Variants in VEGFB observed in about 807,000 individuals in gnomAD.
The protein encoded by VEGFB is vascular endothelial growth factor B.
Under a neutral mutation model 22.5 loss-of-function variants are expected in VEGFB, and 24 were observed. That is an observed-to-expected ratio of 1.07 (90% confidence interval 0.77 to 1.50). VEGFB has a LOEUF of 1.50. Among genes scored for constraint, VEGFB ranks in the 40% most tolerant of loss-of-function variants. The pLI is 0.00. For missense variants in VEGFB, 327 were observed against 287.8 expected, an observed-to-expected ratio of 1.14 and a Z score of -0.99; for synonymous variants, 141 against 117.4, an observed-to-expected ratio of 1.20 and a Z score of -1.30.
At chr11:64,236,394 C>A in intron 4 of VEGFB, 67 bp downstream of exon 4, 2 of 1,507,668 alleles carry the variant, frequency 1.3e-6, no homozygotes, top group Non-Finnish European at 1.8e-6. Context: ...TATGGTGGTC[C>A]ACAGAACTGG....
rs747177567 is a variant in VEGFB, at chr11:64,237,190, TA to T, written c.386del (p.Lys129ArgfsTer5). 34 of 1,600,502 alleles carry T rather than the reference TA, an allele frequency of 2.1e-5. No homozygotes were observed. The highest frequency in any genetic ancestry group is 1.6e-4 in the East Asian group (7 of 44,616). On this transcript the variant is annotated frameshift_variant, in exon 5 of 7. Coordinates refer to ENST00000309422, the MANE Select transcript of VEGFB (RefSeq NM_003377.5). LOFTEE classifies it high-confidence loss of function. ...EEHSQCECRP[K>X]KKDSAVKPDR... ...GTCTGTCTATCTTACTTTTCAGACCTAAAAAAAAGGACAGTGCTGTGAAGCC... is the reference window on the plus strand; with the variant it reads ...GTCTGTCTATCTTACTTTTCAGACCTAAAAAAAGGACAGTGCTGTGAAGCC...
In VEGFB at chr11:64,236,988, C is replaced by G. The variant is rs61761271; in HGVS notation, c.375-199C>G. ...ATCCCAGCTACTTGGGAGGCTGAGA[C>G]AAGAGAATAGCTTGAACCTGGGAGG... On this transcript the variant is annotated intron_variant, in intron 4 of 6. Transcript: ENST00000309422. The G allele has an allele frequency of 4.6e-4, 190 of 416,426 alleles. 4 individuals are homozygous for G. Among genetic ancestry groups the G allele is most frequent in the African/African-American group, 3.4e-3 (175 of 51,540 alleles). 25.8% of individuals were successfully genotyped at this position (416,426 alleles called of 1,614,324 possible).
chr11:64,237,439 C>G lies in VEGFB; in HGVS notation c.430C>G (p.Arg144Gly), dbSNP rs745904236. The change falls in exon 6 of 7, where the codon CGT (arginine) becomes GGT (glycine). Residue 144 changes from arginine (R) to glycine (G), a missense_variant. Transcript: ENST00000309422. Reference protein sequence around the residue: ...KPDRAATPHHRPQPRSVPGWD... With the variant: ...KPDRAATPHHGPQPRSVPGWD... ...CCCTAGGGCTGCCACTCCCCACCAC[C>G]GTCCCCAGCCCCGTTCTGTTCCGGG... The G allele has an allele frequency of 6.3e-7, 1 of 1,596,558 alleles. No homozygotes were observed. The highest frequency in any genetic ancestry group is 1.3e-5 in the African/African-American group (1 of 74,690).
rs556071748 is a variant in VEGFB, at chr11:64,236,297, C to G, written c.344C>G (p.Ser115Cys). Reference sequence around the variant, plus strand: ...CCGAGCAGTCAGCTGGGGGAGATGTCCCTGGAAGAACACAGCCAGTGTGAA... The same window carrying G: ...CCGAGCAGTCAGCTGGGGGAGATGTGCCTGGAAGAACACAGCCAGTGTGAA... ...RYPSSQLGEM[S>C]LEEHSQCECR... Residue 115 changes from serine (S) to cysteine (C), a missense_variant, in exon 4 of 7, where the codon TCC becomes TGC. Physicochemically the swap from Ser to Cys is moderately radical, Grantham distance 112. Coordinates refer to ENST00000309422, the MANE Select transcript of VEGFB (RefSeq NM_003377.5). The G allele has an allele frequency of 1.9e-6, 3 of 1,613,920 alleles. No homozygotes were observed. Among genetic ancestry groups the G allele is most frequent in the South Asian group, 2.2e-5 (2 of 91,088 alleles).
At position 64,236,710 on chromosome 11, in the gene VEGFB, C is replaced by G. The variant is rs552088720; in HGVS notation, c.374+383C>G. On this transcript the variant is annotated intron_variant, in intron 4 of 6. Coordinates refer to ENST00000309422, the MANE Select transcript of VEGFB (RefSeq NM_003377.5). ...CCAGCCTGGGCGACAGAGCAAGACT[C>G]TGCCACAAAAAAAAAAAAAAAAAAA... 3.4e-4 allele frequency among the ~76,000 whole-genome samples: 32 copies of G among 94,530 alleles called. No individual in the cohort carries two copies. In the East Asian group the frequency reaches 8.9e-3, roughly 26 times the overall value. The allele number at this position is 94,530 out of a possible 152,430, so 62.0% of individuals were successfully genotyped here. A position where few individuals can be genotyped will look rare whatever the true frequency, so the allele number is the denominator to read the frequency against.
rs879054154 is a variant in VEGFB, at chr11:64,237,060, GC to G, written c.375-126del. The G allele has an allele frequency of 5.2e-6, 4 of 763,434 alleles. 1 individual carries two copies. In the South Asian group the frequency reaches 9.1e-5, roughly 17 times the overall value. 47.3% of individuals were successfully genotyped at this position (763,434 alleles called of 1,614,324 possible). A position where few individuals can be genotyped will look rare whatever the true frequency, so the allele number is the denominator to read the frequency against. On this transcript the variant is annotated intron_variant, in intron 4 of 6. Transcript: ENST00000309422. The stretch of plus-strand genomic sequence containing the variant: ...ACCACGCCACTGCACTCCAGCCTGG[GC>G]AAGAAGAGGGAAACACAGTCTCAAA...
intron 4 of VEGFB, 81 bp downstream of exon 4, chr11:64,236,408 C>T (rs961791622): frequency 1.4e-6 from 2 of 1,417,822 alleles, no homozygotes; most frequent in Non-Finnish European, 9.9e-7. Context: ...GAACTGGGGA[C>T]CAGGTTCCTA....
At chr11:64,237,909 C>CTCG (rs1412292067) in intron 6 of VEGFB, 3 of 503,538 alleles carry the variant, frequency 6.0e-6, no homozygotes, top group Non-Finnish European at 1.1e-5. Flanking sequence ...GGTACCTGGC[C>CTCG]TCGTCTTTCA....
chr11:64,238,275 TAGTGGGCCCG>T, intron 6 of VEGFB, 71 bp from the exon 7 acceptor site: 1 of 1,508,030 alleles, frequency 6.6e-7, no homozygotes, highest in Non-Finnish European at 8.9e-7. Context: ...GTTGTGATCT[TAGTGGGCCCG>T]AGGCACACAT....
intron 4 of VEGFB, 69 bp from the exon 5 acceptor site, chr11:64,237,118 A>C (rs879229201): frequency 2.8e-6 from 2 of 718,414 alleles, no homozygotes; most frequent in Non-Finnish European, 4.7e-6. Flanking sequence ...AGAGAGAGAG[A>C]GAGAGTAGGA....
intron 4 of VEGFB, among the ~76,000 whole-genome samples, chr11:64,236,883 AGCCTG>A (rs1201937634): frequency 2.0e-5 from 3 of 149,120 alleles, no homozygotes; most frequent in African/African-American, 7.3e-5. Context: ...GTTTGAGACC[AGCCTG>A]GCCAACATGG....
At position 64,234,963 on chromosome 11, in the gene VEGFB, G is replaced by A. The variant is rs1947231071; in HGVS notation, c.60+70G>A. The A allele has an allele frequency of 1.6e-6, 2 of 1,216,182 alleles. No individual in the cohort carries two copies. The highest frequency in any genetic ancestry group is 3.2e-5 in the East Asian group (1 of 30,924). 75.3% of individuals were successfully genotyped at this position (1,216,182 alleles called of 1,614,324 possible). A position where few individuals can be genotyped will look rare whatever the true frequency, so the allele number is the denominator to read the frequency against. On this transcript the variant is annotated intron_variant, in intron 1 of 6. Coordinates refer to ENST00000309422, the MANE Select transcript of VEGFB (RefSeq NM_003377.5). This position sits in a 1 kb window ranked among gnomAD's most constrained non-coding sequence, Gnocchi z 5.3. ...TCTCAAGGTTGGCGGAAGTGAGGAG[G>A]CGACCCGCGGCCTCGGCCGAGGGGA...
At chr11:64,235,592 T>G in intron 2 of VEGFB, 92 bp downstream of exon 2, 1 of 1,400,224 alleles carries the variant, frequency 7.1e-7, no homozygotes, top group Non-Finnish European at 1.0e-6. Flanking sequence ...GTAACTCCCC[T>G]AGAAGATTCA....
At chr11:64,236,716 CAAAAAAAAAAAAAAA>C (rs773789771) in intron 4 of VEGFB, among the ~76,000 whole-genome samples, 2 of 74,492 alleles carry the variant, frequency 2.7e-5, no homozygotes, top group Non-Finnish European at 2.6e-5. Context: ...GACTCTGCCA[CAAAAAAAAAAAAAAA>C]AAAAAAAAAA....
rs2029971132 is a variant in VEGFB, at chr11:64,235,919, C to T, written c.210C>T (p.Pro70=). 2 of 1,613,572 alleles carry T rather than the reference C, an allele frequency of 1.2e-6. No homozygotes were observed. The highest frequency in any genetic ancestry group is 3.3e-5 in the Admixed American group (2 of 60,002). ...LMGTVAKQLV[P]SCVTVQRCGG... The stretch of plus-strand genomic sequence containing the variant: ...GCACCGTGGCCAAACAGCTGGTGCC[C>T]AGCTGCGTGACTGTGCAGCGCTGTG... Residue 70 remains proline (P), a synonymous_variant, in exon 3 of 7, where the codon CCC becomes CCT. Coordinates refer to ENST00000309422, the MANE Select transcript of VEGFB (RefSeq NM_003377.5).
At position 64,237,466 on chromosome 11, in the gene VEGFB, T is replaced by C; in HGVS notation, c.457T>C (p.Trp153Arg). The C allele has an allele frequency of 6.2e-7, 1 of 1,611,998 alleles. No individual in the cohort carries two copies. Among genetic ancestry groups the C allele is most frequent in the African/African-American group, 1.3e-5 (1 of 74,964 alleles). Reference sequence around the variant, plus strand: ...TCCCCAGCCCCGTTCTGTTCCGGGCTGGGACTCTGCCCCCGGAGCACCCTC... The same window carrying C: ...TCCCCAGCCCCGTTCTGTTCCGGGCCGGGACTCTGCCCCCGGAGCACCCTC... The part of the protein sequence containing the change: ...HRPQPRSVPG[W>R]DSAPGAPSPA... The change falls in exon 6 of 7, where the codon TGG becomes CGG. Residue 153 changes from tryptophan (W) to arginine (R), a missense_variant. Transcript: ENST00000309422.
intron 4 of VEGFB, 25 bp downstream of exon 4, chr11:64,236,352 G>T (rs2030019067): frequency 6.2e-7 from 1 of 1,611,058 alleles, no homozygotes; most frequent in Non-Finnish European, 8.5e-7. Context: ...CAACTTCTGA[G>T]CTCGCAGAGG....
chr11:64,234,987 G>C lies in VEGFB; in HGVS notation c.60+94G>C, dbSNP rs1342606188. The C allele has an allele frequency of 3.8e-6, 4 of 1,064,838 alleles. No homozygotes were observed. The South Asian group carries it at 1.6e-4, about 43-fold the overall frequency. 66.0% of individuals were successfully genotyped at this position (1,064,838 alleles called of 1,614,324 possible). ...GGCGACCCGCGGCCTCGGCCGAGGG[G>C]ATCTGCGGGGTCCGGCCTTGGACGC... On this transcript the variant is annotated intron_variant, in intron 1 of 6. Coordinates refer to ENST00000309422, the MANE Select transcript of VEGFB (RefSeq NM_003377.5). The surrounding 1 kb of genome is among the most constrained non-coding windows in gnomAD (Gnocchi z 5.3).
intron 3 of VEGFB, 109 bp downstream of exon 3, chr11:64,236,118 T>G: frequency 6.6e-7 from 1 of 1,519,722 alleles, no homozygotes; most frequent in Non-Finnish European, 8.9e-7. Context: ...TGGAGACTGA[T>G]GCACAGGAGA....
Sources: gnomAD v4.1 joint callset for allele counts (sites outside exome capture counted in the v4.1 genomes callset) on GRCh38, gnomAD v4.1.1 for gene constraint, Gnocchi (gnomAD v3.1) non-coding constraint, MANE v1.5 for transcripts, NCBI Gene and HGNC (gene_info 2026-07-23, HGNC 2026-07-21) for gene names.